CENPW: variants seen among roughly 807,000 people sequenced by gnomAD.
CENPW encodes the protein centromere protein W, also known as cancer-up-regulated gene 2 protein.
Under a neutral mutation model 11.1 loss-of-function variants are expected in CENPW, and 3 were observed. The ratio of observed to expected loss-of-function variants is 0.27; its 90% CI spans 0.12 to 0.70. The LOEUF (loss-of-function observed/expected upper bound fraction) is 0.70. Among genes scored for constraint, CENPW ranks in the 30% least tolerant of loss-of-function variants. The probability of loss-of-function intolerance (pLI) is 0.77; values close to 1 mark genes in which losing one functional copy is unlikely to be tolerated. For synonymous variants in CENPW, 38 were observed against 42.0 expected, an observed-to-expected ratio of 0.91 and a Z score of 0.37; for missense variants, 100 against 105.6, an observed-to-expected ratio of 0.95 and a Z score of 0.23.
At chr6:126,480,058 T>G in the CENPW span, among the ~76,000 whole-genome samples, 1 of 151,870 alleles carries the variant, frequency 6.6e-6, no homozygotes, top group Non-Finnish European at 1.5e-5. Context: ...CTGTATAAGG[T>G]TTAGTGCATG....
chr6:126,436,045 G>A, the CENPW span, among the ~76,000 whole-genome samples: 1 of 151,802 alleles, frequency 6.6e-6, no homozygotes, highest in Non-Finnish European at 1.5e-5. Flanking sequence ...ATTATCCAGA[G>A]TTTAGCGTTC....
At chr6:126,396,035 C>T in the CENPW span, among the ~76,000 whole-genome samples, 1 of 152,252 alleles carries the variant, frequency 6.6e-6, no homozygotes, top group East Asian at 1.9e-4. Context: ...TAACCACTAA[C>T]TGGCTACTGC....
the CENPW span, among the ~76,000 whole-genome samples, chr6:126,470,095 T>C: frequency 2.6e-5 from 4 of 152,158 alleles, no homozygotes; most frequent in Non-Finnish European, 5.9e-5. Flanking sequence ...ATGTTAATTG[T>C]CAAGACAATG....
the CENPW span, among the ~76,000 whole-genome samples, chr6:126,443,852 A>C: frequency 6.6e-6 from 1 of 151,234 alleles, no homozygotes; most frequent in Non-Finnish European, 1.5e-5. Flanking sequence ...GTAGAATACT[A>C]TGGAAGAGCT....
chr6:126,359,182 TCATC>T, the CENPW span, among the ~76,000 whole-genome samples: 4 of 152,144 alleles, frequency 2.6e-5, no homozygotes, highest in African/African-American at 9.6e-5. Flanking sequence ...AATTCAATGT[TCATC>T]CAGGAGTTAT....
chr6:126,482,857 A>C, the CENPW span, among the ~76,000 whole-genome samples: 1 of 151,970 alleles, frequency 6.6e-6, no homozygotes, highest in Non-Finnish European at 1.5e-5. Context: ...TGTACATTTT[A>C]GAATAAAACT....
At chr6:126,359,735 G>A in the CENPW span, among the ~76,000 whole-genome samples, 1 of 151,178 alleles carries the variant, frequency 6.6e-6, no homozygotes, top group South Asian at 2.1e-4. Context: ...AACAAGAATA[G>A]CAACTCCTGC....
the CENPW span, among the ~76,000 whole-genome samples, chr6:126,451,774 A>G: frequency 2.6e-5 from 4 of 151,034 alleles, no homozygotes; most frequent in Admixed American, 1.3e-4. Flanking sequence ...GACAGGAGTA[A>G]ATAAAATTTC....
chr6:126,453,149 T>C, the CENPW span, among the ~76,000 whole-genome samples: 1 of 151,052 alleles, frequency 6.6e-6, no homozygotes, highest in Admixed American at 6.6e-5. Context: ...AAGATATCAT[T>C]CATAAAAATT....
the CENPW span, among the ~76,000 whole-genome samples, chr6:126,433,158 T>G: frequency 6.6e-6 from 1 of 152,246 alleles, no homozygotes; most frequent in East Asian, 1.9e-4. Flanking sequence ...CATGACACAT[T>G]TCATTTAGAA....
chr6:126,423,892 C>T, the CENPW span, among the ~76,000 whole-genome samples: 1 of 150,340 alleles, frequency 6.7e-6, no homozygotes, highest in African/African-American at 2.4e-5. Context: ...GCACAATGTG[C>T]AGGTTAGTTA....
the CENPW span, among the ~76,000 whole-genome samples, chr6:126,415,493 A>T: frequency 6.6e-6 from 1 of 152,292 alleles, no homozygotes; most frequent in East Asian, 1.9e-4. Context: ...GACTTATAGA[A>T]GTTAAATCAC....
chr6:126,391,618 C>A, the CENPW span, among the ~76,000 whole-genome samples: 4 of 151,752 alleles, frequency 2.6e-5, no homozygotes, highest in East Asian at 3.9e-4. Flanking sequence ...AGATGTAAAT[C>A]TTTAATATAT....
chr6:126,402,820 C>T, the CENPW span, among the ~76,000 whole-genome samples: 1 of 151,906 alleles, frequency 6.6e-6, no homozygotes, highest in African/African-American at 2.4e-5. Context: ...TATGAATATT[C>T]ATGTACAAAG....
the CENPW span, among the ~76,000 whole-genome samples, chr6:126,397,554 A>G: frequency 1.3e-5 from 2 of 152,136 alleles, no homozygotes; most frequent in Non-Finnish European, 2.9e-5. Context: ...TTTGATTCTT[A>G]TGAAGGTGAT....
At chr6:126,416,383 A>C in the CENPW span, among the ~76,000 whole-genome samples, 1 of 152,202 alleles carries the variant, frequency 6.6e-6, no homozygotes, top group South Asian at 2.1e-4. Context: ...ACAATGTGAT[A>C]GAAAAGAAAA....
At chr6:126,450,471 G>C in the CENPW span, among the ~76,000 whole-genome samples, 2 of 151,080 alleles carry the variant, frequency 1.3e-5, no homozygotes, top group African/African-American at 4.8e-5. Context: ...CAACCAGTAA[G>C]TACTAGAGTT....
At chr6:126,454,646 C>T in the CENPW span, among the ~76,000 whole-genome samples, 5 of 151,056 alleles carry the variant, frequency 3.3e-5, no homozygotes, top group South Asian at 2.1e-4. Flanking sequence ...AATAACCTAA[C>T]GTTACACCTA....
chr6:126,361,785 T>C, the CENPW span, among the ~76,000 whole-genome samples: 2 of 152,266 alleles, frequency 1.3e-5, no homozygotes, highest in Non-Finnish European at 2.9e-5. Flanking sequence ...GACTACACTC[T>C]TTCTGAACTG....
Sources: gnomAD v4.1 joint callset for allele counts (sites outside exome capture counted in the v4.1 genomes callset) on GRCh38, gnomAD v4.1.1 for gene constraint, MANE v1.5 for transcripts, NCBI Gene and HGNC (gene_info 2026-07-23, HGNC 2026-07-21) for gene names.